Variants in CNTLN observed in about 807,000 individuals in gnomAD.
The protein encoded by CNTLN is centlein.
A neutral mutation model predicts 180.0 loss-of-function variants in CNTLN; 212 were observed. That is an observed-to-expected ratio of 1.18 (90% CI 1.05 to 1.32). The LOEUF (loss-of-function observed/expected upper bound fraction) is 1.32, where lower values mean the gene tolerates loss of function less well. Ranked by LOEUF, CNTLN falls within the 40% of genes most tolerant of loss-of-function variation. The pLI is 0.00. For missense variants in CNTLN, 2,095 were observed against 1,610.9 expected, an observed-to-expected ratio of 1.30 and a Z score of -5.14; for synonymous variants, 722 against 563.1, an observed-to-expected ratio of 1.28 and a Z score of -3.99.
At chr9:17,444,987 C>CT (rs1011725927) in intron 18 of CNTLN, among the ~76,000 whole-genome samples, 3 of 151,886 alleles carry the variant, frequency 2.0e-5, no homozygotes, top group Admixed American at 6.6e-5. Context: ...CTATGAAAGA[C>CT]TTTTTTTGGT....
intron 18 of CNTLN, among the ~76,000 whole-genome samples, chr9:17,441,865 C>G (rs115665754): frequency 6.6e-6 from 1 of 151,918 alleles, no homozygotes; most frequent in Non-Finnish European, 1.5e-5. Flanking sequence ...ATATTCCATA[C>G]AAAGGGTAAG....
intron 18 of CNTLN, 54 bp downstream of exon 18, chr9:17,416,243 T>C: frequency 7.0e-7 from 1 of 1,426,296 alleles, no homozygotes; most frequent in Non-Finnish European, 9.6e-7. Context: ...AAAGTGGATA[T>C]TTTGTTTTAC....
chr9:17,318,831 T>A (rs1415254451), intron 8 of CNTLN, among the ~76,000 whole-genome samples: 1 of 151,710 alleles, frequency 6.6e-6, no homozygotes, highest in South Asian at 2.1e-4. Flanking sequence ...TCTTCATCCA[T>A]CCTTTATTCC....
intron 1 of CNTLN, among the ~76,000 whole-genome samples, chr9:17,136,497 T>TTTTTTTGTA (rs1817727494): frequency 6.6e-6 from 1 of 152,120 alleles, no homozygotes; most frequent in African/African-American, 2.4e-5. Context: ...GCCTGGCTAA[T>TTTTTTTGTA]TTTTTGTATT....
intron 1 of CNTLN, among the ~76,000 whole-genome samples, chr9:17,137,706 G>A (rs1298759822): frequency 1.3e-5 from 2 of 152,170 alleles, no homozygotes; most frequent in African/African-American, 2.4e-5. Flanking sequence ...ATAAGTAGTA[G>A]CTTCATTTAA....
chr9:17,426,853 C>T (rs1196419826), intron 18 of CNTLN, among the ~76,000 whole-genome samples: 1 of 151,914 alleles, frequency 6.6e-6, no homozygotes, highest in Non-Finnish European at 1.5e-5. Flanking sequence ...GAGCATTCAT[C>T]CAGACTACAC....
intron 2 of CNTLN, among the ~76,000 whole-genome samples, chr9:17,214,276 C>T (rs892092689): frequency 4.6e-5 from 7 of 152,080 alleles, no homozygotes; most frequent in African/African-American, 9.7e-5. Flanking sequence ...TCAGCATTTG[C>T]TTGTCTGTAA....
chr9:17,152,998 T>C (rs1818999199), intron 2 of CNTLN, among the ~76,000 whole-genome samples: 1 of 152,188 alleles, frequency 6.6e-6, no homozygotes, highest in East Asian at 1.9e-4. Flanking sequence ...TTTTTTGCTT[T>C]CCATTTGCTT....
At chr9:17,223,026 C>G (rs1395373330) in intron 2 of CNTLN, among the ~76,000 whole-genome samples, 1 of 151,994 alleles carries the variant, frequency 6.6e-6, no homozygotes, top group Non-Finnish European at 1.5e-5. Flanking sequence ...CCAACGGGTA[C>G]TTGAAACCAT....
At chr9:17,163,949 G>A (rs951336071) in intron 2 of CNTLN, among the ~76,000 whole-genome samples, 1 of 151,930 alleles carries the variant, frequency 6.6e-6, no homozygotes, top group African/African-American at 2.4e-5. Context: ...AGCCCAGGAA[G>A]TGTAGGTTGC....
intron 2 of CNTLN, among the ~76,000 whole-genome samples, chr9:17,198,386 C>CTGTTTTTTTTTTT (rs1203470813): frequency 9.1e-6 from 1 of 109,746 alleles, no homozygotes; most frequent in African/African-American, 3.3e-5. Context: ...TCTTTTCTTT[C>CTGTTTTTTTTTTT]TTTTTTTTTT....
At chr9:17,326,310 T>A (rs61204182) in intron 8 of CNTLN, among the ~76,000 whole-genome samples, 1,927 of 152,082 alleles carry the variant, frequency 0.013, 39 homozygotes, top group African/African-American at 0.044. Flanking sequence ...GAGAAAAAAA[T>A]TTATTTATAA....
intron 5 of CNTLN, among the ~76,000 whole-genome samples, chr9:17,255,642 T>G (rs946106527): frequency 1.3e-5 from 2 of 151,826 alleles, no homozygotes; most frequent in African/African-American, 2.4e-5. Context: ...TAGTGTTGTT[T>G]TCTAGCGTTG....
chr9:17,514,585 T>C, the CNTLN span, among the ~76,000 whole-genome samples: 1 of 152,194 alleles, frequency 6.6e-6, no homozygotes, highest in South Asian at 2.1e-4. Context: ...CAATATTTAC[T>C]AATAAAAACA....
At chr9:17,201,115 T>G (rs1245324817) in intron 2 of CNTLN, among the ~76,000 whole-genome samples, 3 of 152,232 alleles carry the variant, frequency 2.0e-5, no homozygotes, top group Non-Finnish European at 2.9e-5. Context: ...ATTGGTTCTG[T>G]TTATGTGATG....
In CNTLN at chr9:17,394,840, G is replaced by T; in HGVS notation, c.2386G>T (p.Glu796Ter). 6.2e-7 allele frequency: 1 copy of T among 1,613,894 alleles called. No individual in the cohort carries two copies. Among genetic ancestry groups the T allele is most frequent in the South Asian group, 1.1e-5 (1 of 91,066 alleles). The stretch of plus-strand genomic sequence containing the variant: ...AAATGAAGAGCTGATCAACCCAATG[G>T]AGAAATCACACCAGTCAGCAGACAG... ...NENEELINPMEKSHQSADRAK... is the reference protein window; with the variant it reads ...NENEELINPM The change falls in exon 15 of 26, where the codon GAG (glutamate) becomes TAG (stop). Residue 796 changes from glutamate to a stop codon, truncating the protein, a stop_gained. Transcript: ENST00000380647. LOFTEE classifies it high-confidence loss of function.
At chr9:17,447,347 G>C (rs1830500556) in intron 18 of CNTLN, 1 of 199,322 alleles carries the variant, frequency 5.0e-6, no homozygotes, top group Non-Finnish European at 1.1e-5. Context: ...TGAGGTTGCA[G>C]AGGTTTCCTG....
At chr9:17,291,615 C>G (rs534413830) in intron 6 of CNTLN, among the ~76,000 whole-genome samples, 87 of 152,132 alleles carry the variant, frequency 5.7e-4, no homozygotes, top group Non-Finnish European at 1.1e-3. Context: ...TTGTCAGAAA[C>G]TAGGATTGCA....
chr9:17,191,891 T>C (rs1821811271), intron 2 of CNTLN, among the ~76,000 whole-genome samples: 1 of 152,172 alleles, frequency 6.6e-6, no homozygotes, highest in Non-Finnish European at 1.5e-5. Context: ...TGTGCTATTA[T>C]TGGGTGTCTT....
Sources: gnomAD v4.1 joint callset for allele counts (sites outside exome capture counted in the v4.1 genomes callset) on GRCh38, gnomAD v4.1.1 for gene constraint, MANE v1.5 for transcripts, NCBI Gene and HGNC (gene_info 2026-07-23, HGNC 2026-07-21) for gene names.